Variants in CLK4 observed in about 807,000 individuals in gnomAD.
CLK4 encodes the protein dual specificity protein kinase CLK4.
CLK4 carries 37 observed loss-of-function variants against 64.4 expected under a neutral mutation model. The ratio of observed to expected loss-of-function variants is 0.57; its 90% confidence interval spans 0.44 to 0.76. The LOEUF is 0.76. Ranked by LOEUF, CLK4 falls within the 30% of genes least tolerant of loss-of-function variation. The pLI is 0.00. For synonymous variants in CLK4, 175 were observed against 191.6 expected (o/e 0.91, Z 0.72); for missense variants, 457 against 605.1 (o/e 0.76, Z 2.57).
rs1378878489 is a variant in CLK4 at position 178,611,603 on chromosome 5, ACTACT to A, written c.1051+808_1051+812del. Among the ~76,000 whole-genome samples the A allele has an allele frequency of 1.1e-4, 17 of 152,208 alleles. 1 individual carries two copies. The highest frequency in any genetic ancestry group is 1.0e-3 in the Admixed American group (16 of 15,278). On this transcript the variant is annotated intron_variant, in intron 9 of 12. Transcript: ENST00000316308. ...GGATTCTTGATTTCCTCACTCCTTTACTACTCTACTCTAGGTAAGTATCAAGAGTT... is the reference window on the plus strand; with the variant it reads ...GGATTCTTGATTTCCTCACTCCTTTACTACTCTAGGTAAGTATCAAGAGTT...
intron 1 of CLK4, 24 bp from the exon 2 acceptor site, chr5:178,623,440 ATTGTGG>A: frequency 6.3e-7 from 1 of 1,596,662 alleles, no homozygotes; most frequent in Non-Finnish European, 8.5e-7. Context: ...TGAAAAGGGA[ATTGTGG>A]AGGTTACAGA....
At chr5:178,604,479 GC>G (rs1342722485) in intron 11 of CLK4, 3 of 148,910 alleles carry the variant, frequency 2.0e-5, no homozygotes, top group African/African-American at 7.4e-5. Flanking sequence ...AAACCCAAAA[GC>G]CATTTTGTTT....
At chr5:178,609,471 G>A (rs1010543057) in intron 9 of CLK4, among the ~76,000 whole-genome samples, 11 of 151,522 alleles carry the variant, frequency 7.3e-5, no homozygotes, top group East Asian at 1.9e-4. Context: ...TCACCAGGTT[G>A]GCAGTTCGAG....
intron 2 of CLK4, chr5:178,620,534 T>C (rs1169207038): frequency 1.8e-5 from 7 of 393,026 alleles, no homozygotes; most frequent in South Asian, 1.0e-4. Flanking sequence ...ACACAGGCTA[T>C]GGACAGGGTA....
intron 10 of CLK4, among the ~76,000 whole-genome samples, chr5:178,606,101 T>C (rs1019317131): frequency 2.0e-5 from 3 of 152,226 alleles, no homozygotes; most frequent in African/African-American, 7.2e-5. Context: ...CAGGAATAAG[T>C]AATACTAGCT....
rs1467434474 is a variant in CLK4, at chr5:178,616,951, AGAGT to A, written c.476-7_476-4del. 1.2e-6 allele frequency: 2 copies of A among 1,610,472 alleles called. No homozygotes were observed. Among genetic ancestry groups the A allele is most frequent in the Non-Finnish European group, 1.7e-6 (2 of 1,176,792 alleles). The stretch of plus-strand genomic sequence containing the variant: ...ACCCAAAGTGTCCACGATTTCATCT[AGAGT>A]GAGGAGGGAAAAAGAGGTGTAAGTA... On this transcript the variant is annotated splice_polypyrimidine_tract_variant and splice_region_variant and intron_variant, in intron 4 of 12. Transcript: ENST00000316308.
chr5:178,623,917 G>A (rs544127895), intron 1 of CLK4, among the ~76,000 whole-genome samples: 1 of 152,250 alleles, frequency 6.6e-6, no homozygotes, highest in Non-Finnish European at 1.5e-5. Flanking sequence ...TAAAATGTGA[G>A]CTGATTTAAG....
chr5:178,618,655 G>A lies in CLK4; in HGVS notation c.285C>T (p.Ser95=), dbSNP rs758405947. Residue 95 remains serine (S), a synonymous_variant, in exon 3 of 13, where the codon AGC becomes AGT. Coordinates refer to ENST00000316308, the MANE Select transcript of CLK4 (RefSeq NM_020666.3). ...VPRHYHRDIE[S]GYRIHCSKSS... is the part of the protein sequence containing the mutation. Reference sequence around the variant, plus strand: ...ATTTACTGCAGTGGATTCGATACCCGCTTTCAATGTCTCTGTGATAATGTC... The same window carrying A: ...ATTTACTGCAGTGGATTCGATACCCACTTTCAATGTCTCTGTGATAATGTC... 1.3e-5 allele frequency: 21 copies of A among 1,613,888 alleles called. No homozygotes were observed. The highest frequency in any genetic ancestry group is 1.7e-5 in the Non-Finnish European group (20 of 1,179,918).
intron 2 of CLK4, chr5:178,622,187 T>C (rs11249553): frequency 0.36 from 54,432 of 152,486 alleles, 10,461 homozygotes; most frequent in Non-Finnish European, 0.45. Context: ...GTTTTTTGTA[T>C]TTATTAATAG....
rs1200109368 is a variant in CLK4 at position 178,603,463 on chromosome 5, GTTAA to G, written c.*150_*153del. On this transcript the variant is annotated 3_prime_UTR_variant, in exon 13 of 13. Transcript: ENST00000316308. Reference sequence around the variant, plus strand: ...TATCAAGACCATACTTGCTTAACAAGTTAATTATGCTATTGATACAAAACATACA... The same window carrying G: ...TATCAAGACCATACTTGCTTAACAAGTTATGCTATTGATACAAAACATACA... 1.7e-5 allele frequency: 8 copies of G among 476,910 alleles called. No homozygotes were observed. The East Asian group carries it at 2.4e-4, about 15-fold the overall frequency. The allele number at this position is 476,910 out of a possible 1,614,324, so 29.5% of individuals were successfully genotyped here. A position where few individuals can be genotyped will look rare whatever the true frequency, so the allele number is the denominator to read the frequency against.
At chr5:178,619,049 T>C (rs1404572855) in intron 2 of CLK4, among the ~76,000 whole-genome samples, 1 of 152,248 alleles carries the variant, frequency 6.6e-6, no homozygotes, top group Non-Finnish European at 1.5e-5. Context: ...GTCTAGTGTT[T>C]ACTTGATTAA....
In CLK4 at chr5:178,620,117, A is replaced by G. The variant is rs934732444; in HGVS notation, c.162-1339T>C. 5 of 292,332 alleles carry G rather than the reference A, an allele frequency of 1.7e-5. No individual in the cohort carries two copies. In the Admixed American group the frequency reaches 2.0e-4, roughly 12 times the overall value. 18.1% of individuals were successfully genotyped at this position (292,332 alleles called of 1,614,324 possible). ...CTAGCATCAAATCCAGGCTGGGGAG[A>G]TACAGAAACCCGGTTCTCTTTCCCT... On this transcript the variant is annotated intron_variant, in intron 2 of 12. Coordinates refer to ENST00000316308, the MANE Select transcript of CLK4 (RefSeq NM_020666.3).
At position 178,618,499 on chromosome 5, in the gene CLK4, C is replaced by T. The variant is rs1176959738; in HGVS notation, c.384+57G>A. ...ATAAAAAATTAGAAACTTATCAGCTCGTTAAGAGTACACACAAATAAAACT... is the reference window on the plus strand; with the variant it reads ...ATAAAAAATTAGAAACTTATCAGCTTGTTAAGAGTACACACAAATAAAACT... On this transcript the variant is annotated intron_variant, in intron 3 of 12. Coordinates refer to ENST00000316308, the MANE Select transcript of CLK4 (RefSeq NM_020666.3). The T allele has an allele frequency of 1.4e-5, 14 of 1,009,864 alleles. No individual in the cohort carries two copies. The South Asian group carries it at 2.5e-4, about 18-fold the overall frequency. 62.6% of individuals were successfully genotyped at this position (1,009,864 alleles called of 1,614,324 possible).
chr5:178,622,390 T>A, intron 2 of CLK4: 1 of 981,958 alleles, frequency 1.0e-6, no homozygotes, highest in Non-Finnish European at 1.2e-6. Flanking sequence ...AGAAATTACA[T>A]ACTGTTTTTT....
chr5:178,623,138 A>C lies in CLK4; in HGVS notation c.161+118T>G, dbSNP rs562148183. 3.8e-4 allele frequency: 388 copies of C among 1,019,476 alleles called. 2 individuals are homozygous for C. The South Asian group carries it at 5.2e-3, about 14-fold the overall frequency. 63.2% of individuals were successfully genotyped at this position (1,019,476 alleles called of 1,614,324 possible). On this transcript the variant is annotated intron_variant, in intron 2 of 12. Transcript: ENST00000316308. Reference sequence around the variant, plus strand: ...AAAATAAGTACTCAAATATTTTCTAAACGAATATTTGTTGACTGAATTATA... The same window carrying C: ...AAAATAAGTACTCAAATATTTTCTACACGAATATTTGTTGACTGAATTATA...
chr5:178,618,410 T>C (rs1417366077), intron 3 of CLK4, 146 bp downstream of exon 3: 7 of 273,242 alleles, frequency 2.6e-5, no homozygotes, highest in Non-Finnish European at 3.2e-5. Flanking sequence ...GAGGTTTCCT[T>C]TAAGGATTTA....
chr5:178,621,195 T>C (rs1764702390), intron 2 of CLK4, among the ~76,000 whole-genome samples: 2 of 152,182 alleles, frequency 1.3e-5, no homozygotes, highest in South Asian at 4.1e-4. Context: ...TTATTAAAAA[T>C]GGTAACCCTG....
At chr5:178,623,444 T>G (rs1381392616) in intron 1 of CLK4, 28 bp from the exon 2 acceptor site, 1 of 1,595,138 alleles carries the variant, frequency 6.3e-7, no homozygotes, top group Admixed American at 1.8e-5. Flanking sequence ...AAGGGAATTG[T>G]GGAGGTTACA....
intron 2 of CLK4, chr5:178,622,200 G>C (rs1764716997): frequency 6.5e-6 from 1 of 152,678 alleles, no homozygotes; most frequent in Non-Finnish European, 1.5e-5. Context: ...ATTAATAGTG[G>C]GGTACAGATG....
Sources: allele counts gnomAD v4.1 joint callset (sites outside exome capture counted in the v4.1 genomes callset), GRCh38; gene constraint gnomAD v4.1.1; transcripts MANE v1.5; gene names NCBI Gene and HGNC (gene_info 2026-07-23, HGNC 2026-07-21).